Variants in DCT observed in about 807,000 individuals in gnomAD.
DCT encodes the protein dopachrome tautomerase, also known as L-dopachrome tautomerase.
DCT carries 47 observed loss-of-function variants against 53.0 expected under a neutral mutation model. The ratio of observed to expected loss-of-function variants is 0.89; its 90% confidence interval spans 0.70 to 1.13. The LOEUF is 1.13. DCT is among the 50% of genes most tolerant of loss of function. DCT has a pLI of 0.00. For synonymous variants in DCT, 244 were observed against 237.0 expected (o/e 1.03, Z -0.27); for missense variants, 669 against 637.4 (o/e 1.05, Z -0.53).
At chr13:94,522,597 A>T in the DCT span, among the ~76,000 whole-genome samples, 1 of 152,168 alleles carries the variant, frequency 6.6e-6, no homozygotes, top group Non-Finnish European at 1.5e-5. Context: ...TTTTGGATTA[A>T]TTGTGAATTC....
At chr13:94,515,699 G>A in the DCT span, among the ~76,000 whole-genome samples, 5 of 152,160 alleles carry the variant, frequency 3.3e-5, no homozygotes, top group African/African-American at 9.7e-5. Flanking sequence ...AGAACTTCTA[G>A]AAAGCTTGGA....
At chr13:94,465,406 T>C in intron 4 of DCT, 1 of 331,094 alleles carries the variant, frequency 3.0e-6, no homozygotes. Context: ...GATCTCAAAA[T>C]GATGGCCAAG....
intron 1 of DCT, among the ~76,000 whole-genome samples, chr13:94,476,756 G>T (rs74103937): frequency 0.05 from 7,643 of 152,030 alleles, 619 homozygotes; most frequent in African/African-American, 0.17. Flanking sequence ...GAGCCACTGC[G>T]CTTGGCCAGC....
chr13:94,506,962 C>T, the DCT span, among the ~76,000 whole-genome samples: 1 of 152,160 alleles, frequency 6.6e-6, no homozygotes, highest in Non-Finnish European at 1.5e-5. Context: ...TTACTATTAT[C>T]TTACTCTATT....
At chr13:94,445,860 T>C in intron 6 of DCT, 1 of 781,050 alleles carries the variant, frequency 1.3e-6, no homozygotes, top group Non-Finnish European at 2.1e-6. Flanking sequence ...AAGTGGCCCA[T>C]TCCTGGAGGC....
At chr13:94,466,167 A>G (rs1884208168) in intron 3 of DCT, among the ~76,000 whole-genome samples, 1 of 151,496 alleles carries the variant, frequency 6.6e-6, no homozygotes, top group African/African-American at 2.4e-5. Flanking sequence ...TTATATGTGG[A>G]ATCTAAAGAA....
intron 1 of DCT, among the ~76,000 whole-genome samples, chr13:94,472,835 G>A (rs111864937): frequency 0.052 from 7,837 of 151,662 alleles, 299 homozygotes; most frequent in Non-Finnish European, 0.079. Context: ...ACCTGCCTTG[G>A]CCTCCCAAAG....
At chr13:94,514,537 C>T in the DCT span, among the ~76,000 whole-genome samples, 8 of 152,180 alleles carry the variant, frequency 5.3e-5, no homozygotes, top group African/African-American at 1.7e-4. Flanking sequence ...CAGGGTAAGA[C>T]GTGTGGCCCA....
intron 6 of DCT, among the ~76,000 whole-genome samples, chr13:94,456,319 A>C (rs1461813372): frequency 6.6e-6 from 1 of 152,230 alleles, no homozygotes; most frequent in Non-Finnish European, 1.5e-5. Context: ...TAGGAGCCCC[A>C]GAAAGCTACT....
At chr13:94,442,131 C>T (rs1325611) in intron 7 of DCT, among the ~76,000 whole-genome samples, 115,812 of 151,912 alleles carry the variant, frequency 0.76, 45,207 homozygotes, top group Non-Finnish European at 0.81. Flanking sequence ...GAACTTAATT[C>T]GAGGTAATTC....
At chr13:94,460,774 AAG>A (rs1352488847) in intron 5 of DCT, among the ~76,000 whole-genome samples, 2 of 152,284 alleles carry the variant, frequency 1.3e-5, no homozygotes, top group African/African-American at 4.8e-5. Flanking sequence ...AAAAAGAAAA[AAG>A]AAAAAAATTT....
rs1034374166 is a variant in DCT at position 94,439,212 on chromosome 13, T to A, written c.*686A>T. The A allele has an allele frequency of 2.0e-5, 3 of 152,378 alleles. No homozygotes were observed. Among genetic ancestry groups the A allele is most frequent in the African/African-American group, 4.8e-5 (2 of 41,446 alleles). 9.4% of individuals were successfully genotyped at this position (152,378 alleles called of 1,614,324 possible). A position where few individuals can be genotyped will look rare whatever the true frequency, so the allele number is the denominator to read the frequency against. On this transcript the variant is annotated 3_prime_UTR_variant, in exon 8 of 8. Coordinates refer to ENST00000377028, the MANE Select transcript of DCT (RefSeq NM_001922.5). ...AGGTCTACTGTTTAAAACTGCAGAT[T>A]TTAAGTAAAATCCGTAAAATCTAGT...
chr13:94,520,485 A>G, the DCT span, among the ~76,000 whole-genome samples: 1 of 152,218 alleles, frequency 6.6e-6, no homozygotes, highest in Non-Finnish European at 1.5e-5. Flanking sequence ...CCTGCGTCGA[A>G]GGGGAAAGCA....
chr13:94,497,514 C>T, the DCT span, among the ~76,000 whole-genome samples: 1 of 152,188 alleles, frequency 6.6e-6, no homozygotes, highest in Non-Finnish European at 1.5e-5. Flanking sequence ...GTACCAATAA[C>T]ATAAATAGTC....
the DCT span, among the ~76,000 whole-genome samples, chr13:94,536,553 G>T: frequency 6.6e-6 from 1 of 152,144 alleles, no homozygotes; most frequent in Non-Finnish European, 1.5e-5. Flanking sequence ...GTTTTCACAT[G>T]AGAGCTGGTT....
chr13:94,523,159 T>C, the DCT span, among the ~76,000 whole-genome samples: 2,846 of 152,308 alleles, frequency 0.019, 58 homozygotes, highest in Middle Eastern at 0.027. Context: ...CTTTGTTAAA[T>C]GTTTTTGGTA....
upstream of DCT, among the ~76,000 whole-genome samples, chr13:94,484,622 C>T (rs9561563): frequency 6.6e-6 from 1 of 152,304 alleles, no homozygotes; most frequent in East Asian, 1.9e-4. Context: ...TCTGTCAAGG[C>T]CTCTGTCCTC....
chr13:94,537,365 T>C, the DCT span, among the ~76,000 whole-genome samples: 1 of 152,376 alleles, frequency 6.6e-6, no homozygotes, highest in Middle Eastern at 3.4e-3. Context: ...AATGCTGTTG[T>C]TGCTAAGACA....
At chr13:94,465,982 A>T (rs1344621996) in intron 3 of DCT, among the ~76,000 whole-genome samples, 183 bp from the exon 4 acceptor site, 3 of 13,748 alleles carry the variant, frequency 2.2e-4, no homozygotes, top group East Asian at 1.0e-3. Flanking sequence ...ATATATATAT[A>T]TATATATATA....
Sources: gnomAD v4.1 joint callset for allele counts (sites outside exome capture counted in the v4.1 genomes callset) on GRCh38, gnomAD v4.1.1 for gene constraint, MANE v1.5 for transcripts, NCBI Gene and HGNC (gene_info 2026-07-23, HGNC 2026-07-21) for gene names.